Variants in TLK1 observed in about 807,000 individuals in gnomAD.
The protein encoded by TLK1 is tousled like kinase 1, also known as serine/threonine-protein kinase tousled-like 1.
A neutral mutation model predicts 105.3 loss-of-function variants in TLK1; 24 were observed. The ratio of observed to expected loss-of-function variants is 0.23; its 90% CI spans 0.17 to 0.32. The LOEUF (loss-of-function observed/expected upper bound fraction) is 0.32. Among genes scored for constraint, TLK1 ranks in the 10% least tolerant of loss-of-function variants. The pLI is 1.00. For synonymous variants in TLK1, 321 were observed against 310.4 expected, an observed-to-expected ratio of 1.03 and a Z score of -0.36; for missense variants, 558 against 910.5, an observed-to-expected ratio of 0.61 and a Z score of 4.98.
At position 171,160,518 on chromosome 2, in the gene TLK1, G is replaced by A. The variant is rs1009305892; in HGVS notation, c.-90C>T. The A allele has an allele frequency of 1.3e-6, 2 of 1,561,126 alleles. No homozygotes were observed. Among genetic ancestry groups the A allele is most frequent in the Non-Finnish European group, 1.7e-6 (2 of 1,160,474 alleles). On this transcript the variant is annotated 5_prime_UTR_variant, in exon 1 of 21. Coordinates refer to ENST00000431350, the MANE Select transcript of TLK1 (RefSeq NM_012290.5). The surrounding 1 kb of genome is among the most constrained non-coding windows in gnomAD (Gnocchi z 4.4). ...CCGCCTCCGTCATGGCGGGGGCCGC[G>A]CTGAGGGCGAGCGAGAGAGCGAGGG...
intron 11 of TLK1, among the ~76,000 whole-genome samples, chr2:171,036,149 G>A (rs567246201): frequency 7.9e-5 from 12 of 152,272 alleles, no homozygotes; most frequent in Non-Finnish European, 1.5e-4. Flanking sequence ...ATTTTAAGAA[G>A]CATAATTTCT....
intron 1 of TLK1, among the ~76,000 whole-genome samples, chr2:171,205,180 A>G (rs907375278): frequency 1.3e-5 from 2 of 151,968 alleles, no homozygotes; most frequent in African/African-American, 4.8e-5. Flanking sequence ...ATGACTGCAC[A>G]CCAGCCTGGG....
chr2:171,026,923 T>C (rs1197489604), intron 12 of TLK1, among the ~76,000 whole-genome samples: 1 of 152,036 alleles, frequency 6.6e-6, no homozygotes, highest in African/African-American at 2.4e-5. Flanking sequence ...ATAATTACAA[T>C]AGAACAGAAT....
rs990042967 is a variant in TLK1, at chr2:171,006,019, G to C, written c.1904+128C>G. The stretch of plus-strand genomic sequence containing the variant: ...ACAGAAGTCTCCCTCTCAACTGAGA[G>C]CTTAATATCAGTACCTTTACCACAG... On this transcript the variant is annotated intron_variant, in intron 18 of 20. Transcript: ENST00000431350. The C allele has an allele frequency of 6.4e-6, 6 of 931,732 alleles. No homozygotes were observed. The African/African-American group carries it at 1.0e-4, about 16-fold the overall frequency. 57.7% of individuals were successfully genotyped at this position (931,732 alleles called of 1,614,324 possible).
chr2:171,155,536 A>T (rs994439202), intron 1 of TLK1: 1 of 152,142 alleles, frequency 6.6e-6, no homozygotes, highest in East Asian at 1.9e-4. Flanking sequence ...ATGAATATAT[A>T]TAAGTATAGT....
intron 1 of TLK1, among the ~76,000 whole-genome samples, chr2:171,185,482 A>G (rs1387245887): frequency 1.3e-5 from 2 of 152,168 alleles, no homozygotes; most frequent in African/African-American, 4.8e-5. Context: ...ACTAGATACC[A>G]TCTGCTCCAG....
intron 1 of TLK1, among the ~76,000 whole-genome samples, chr2:171,225,509 A>G (rs1215150080): frequency 6.6e-6 from 1 of 152,184 alleles, no homozygotes. Context: ...GAACCTTTGT[A>G]CACTGCTGGT....
At chr2:171,136,059 AAGCAACCC>A (rs1449268000) in intron 1 of TLK1, among the ~76,000 whole-genome samples, 2 of 152,180 alleles carry the variant, frequency 1.3e-5, no homozygotes, top group Non-Finnish European at 2.9e-5. Context: ...CAAGAAGTGG[AAGCAACCC>A]ATGTCCAATC....
chr2:171,128,601 A>G (rs1690965460), intron 1 of TLK1, among the ~76,000 whole-genome samples: 1 of 152,208 alleles, frequency 6.6e-6, no homozygotes, highest in Admixed American at 6.5e-5. Flanking sequence ...CCTGCTAAGT[A>G]TAATAGGATT....
chr2:171,197,439 G>A (rs986781410), intron 1 of TLK1, among the ~76,000 whole-genome samples: 4 of 152,092 alleles, frequency 2.6e-5, no homozygotes, highest in Non-Finnish European at 5.9e-5. Context: ...AGTATTCAAT[G>A]TGATGTTTTC....
intron 1 of TLK1, among the ~76,000 whole-genome samples, chr2:171,176,420 CT>C (rs1265210314): frequency 1.3e-5 from 2 of 152,188 alleles, no homozygotes; most frequent in African/African-American, 4.8e-5. Context: ...TGTCTAATAA[CT>C]CACATATCCA....
chr2:171,082,475 T>A (rs1005104224), intron 3 of TLK1, among the ~76,000 whole-genome samples: 2 of 152,190 alleles, frequency 1.3e-5, no homozygotes, highest in Non-Finnish European at 2.9e-5. Flanking sequence ...AAACCCAACA[T>A]ACTTAAGAAC....
At chr2:171,125,908 G>T (rs182908186) in intron 1 of TLK1, among the ~76,000 whole-genome samples, 26 of 152,226 alleles carry the variant, frequency 1.7e-4, no homozygotes, top group African/African-American at 5.8e-4. Context: ...ACACTTCAAA[G>T]ATTTCAATCT....
chr2:171,015,746 G>A (rs1210483663), intron 12 of TLK1, among the ~76,000 whole-genome samples: 1 of 147,836 alleles, frequency 6.8e-6, no homozygotes, highest in Non-Finnish European at 1.5e-5. Context: ...CCCCTTTTTT[G>A]TCAATACAAA....
chr2:171,175,931 T>G (rs1466953007), intron 1 of TLK1, among the ~76,000 whole-genome samples: 1 of 151,504 alleles, frequency 6.6e-6, no homozygotes, highest in South Asian at 2.1e-4. Context: ...TTTTTTTTTG[T>G]TTTTGTTTTT....
intron 2 of TLK1, among the ~76,000 whole-genome samples, chr2:171,115,556 A>T (rs1382663267): frequency 6.6e-6 from 1 of 152,162 alleles, no homozygotes; most frequent in Non-Finnish European, 1.5e-5. Flanking sequence ...GAATTCAAAA[A>T]TTTTCATTTT....
At chr2:171,020,559 A>G (rs764985822) in intron 12 of TLK1, among the ~76,000 whole-genome samples, 39 of 152,058 alleles carry the variant, frequency 2.6e-4, no homozygotes, top group Non-Finnish European at 3.2e-4. Flanking sequence ...AAAAAAAGAA[A>G]AAAAAAGCTA....
chr2:170,994,052 A>C, intron 20 of TLK1, 96 bp from the exon 21 acceptor site: 2 of 1,294,570 alleles, frequency 1.5e-6, no homozygotes, highest in East Asian at 2.7e-5. Flanking sequence ...CATTTAAGAC[A>C]TAAGTAGATC....
intron 2 of TLK1, chr2:171,091,918 G>C (rs1020637452): frequency 1.3e-5 from 2 of 151,846 alleles, no homozygotes; most frequent in African/African-American, 4.8e-5. Context: ...CTAATTTTTT[G>C]TATTTTTAGT....
Sources: gnomAD v4.1 joint callset for allele counts (sites outside exome capture counted in the v4.1 genomes callset) on GRCh38, gnomAD v4.1.1 for gene constraint, Gnocchi (gnomAD v3.1) non-coding constraint, MANE v1.5 for transcripts, NCBI Gene and HGNC (gene_info 2026-07-23, HGNC 2026-07-21) for gene names.